NXN: variants seen among roughly 807,000 people sequenced by gnomAD.
NXN encodes the protein nucleoredoxin, also known as nucleoredoxin 1.
NXN carries 16 observed loss-of-function variants against 48.6 expected under a neutral mutation model. That is an observed-to-expected ratio of 0.33 (90% CI 0.22 to 0.50). NXN has a LOEUF of 0.50. NXN is among the 20% of genes least tolerant of loss of function. The probability of loss-of-function intolerance (pLI) is 0.98; values close to 1 mark genes in which losing one functional copy is unlikely to be tolerated. For missense variants in NXN, 492 were observed against 605.5 expected, an observed-to-expected ratio of 0.81 and a Z score of 1.97; for synonymous variants, 281 against 269.6, an observed-to-expected ratio of 1.04 and a Z score of -0.41.
At position 825,750 on chromosome 17, in the gene NXN, C is replaced by G. The variant is rs1364788880; in HGVS notation, c.478+211G>C. The stretch of plus-strand genomic sequence containing the variant: ...TCTTTTGGCCCATGAATTAAAGCCC[C>G]TAGGAGGGACATTCTGATCCCTGTG... On this transcript the variant is annotated intron_variant, in intron 2 of 7. Coordinates refer to ENST00000336868, the MANE Select transcript of NXN (RefSeq NM_022463.5). This position sits in a 1 kb window ranked among gnomAD's most constrained non-coding sequence, Gnocchi z 4.1. 4 of 529,042 alleles carry G rather than the reference C, an allele frequency of 7.6e-6. No homozygotes were observed. In the African/African-American group the frequency reaches 7.8e-5, roughly 10 times the overall value. 32.8% of individuals were successfully genotyped at this position (529,042 alleles called of 1,614,324 possible).
chr17:974,646 G>A (rs891265039), intron 1 of NXN, among the ~76,000 whole-genome samples: 7 of 151,576 alleles, frequency 4.6e-5, no homozygotes, highest in African/African-American at 1.7e-4. Flanking sequence ...GCTAATAAAC[G>A]GCAGAGCGGG....
chr17:840,207 C>G (rs955491564), intron 1 of NXN, among the ~76,000 whole-genome samples: 1 of 152,294 alleles, frequency 6.6e-6, no homozygotes, highest in Admixed American at 6.5e-5. Flanking sequence ...GCAGCAGGCT[C>G]CCATTCTGGT....
chr17:959,033 C>A, intron 1 of NXN: 1 of 261,916 alleles, frequency 3.8e-6, no homozygotes, highest in South Asian at 1.1e-4. Flanking sequence ...GCCGAGGGAC[C>A]ATGGTGGCCG....
chr17:849,978 C>T lies in NXN; in HGVS notation c.361-23900G>A, dbSNP rs180785464. Among the ~76,000 whole-genome samples, 292 of 152,198 alleles carry T rather than the reference C, an allele frequency of 1.9e-3. No homozygotes were observed. The highest frequency in any genetic ancestry group is 6.5e-3 in the African/African-American group (272 of 41,534). Reference sequence around the variant, plus strand: ...GTCCCTCCGCATCCCAGCTGGGTGCCGTTCCTGCATCTGGAGGCCCCTGTG... The same window carrying T: ...GTCCCTCCGCATCCCAGCTGGGTGCTGTTCCTGCATCTGGAGGCCCCTGTG... On this transcript the variant is annotated intron_variant, in intron 1 of 7. Coordinates refer to ENST00000336868, the MANE Select transcript of NXN (RefSeq NM_022463.5). This position sits in a 1 kb window ranked among gnomAD's most constrained non-coding sequence, Gnocchi z 4.2.
At chr17:829,542 T>C (rs1485296138) in intron 1 of NXN, among the ~76,000 whole-genome samples, 1 of 151,864 alleles carries the variant, frequency 6.6e-6, no homozygotes, top group Non-Finnish European at 1.5e-5. Context: ...CCATGGTAGT[T>C]TGCTGCACCC....
chr17:908,117 T>A (rs987520595), intron 1 of NXN: 1 of 152,112 alleles, frequency 6.6e-6, no homozygotes, highest in African/African-American at 2.4e-5. Flanking sequence ...TCATAATAAG[T>A]TTTCCTTTCT....
chr17:955,158 CTTTCTTTTTTTTTTTTTTTTT>C (rs2069151657), intron 1 of NXN, among the ~76,000 whole-genome samples: 2 of 142,566 alleles, frequency 1.4e-5, no homozygotes, highest in South Asian at 4.4e-4. Context: ...ATGCTCATCT[CTTTCTTTTTTTTTTTTTTTTT>C]TTTCCTGAGA....
chr17:901,686 CTGTT>C lies in NXN; in HGVS notation c.361-75612_361-75609del, dbSNP rs370539493. 1.5e-4 allele frequency among the ~76,000 whole-genome samples: 23 copies of C among 152,238 alleles called. No homozygotes were observed. The South Asian group carries it at 1.7e-3, about 11-fold the overall frequency. On this transcript the variant is annotated intron_variant, in intron 1 of 7. Transcript: ENST00000336868. ...GCCTGAAAGTCTCTCCTTCAGCTTG[CTGTT>C]TGTTTTTTTGTTTTGTTCTGTTTTT...
intron 1 of NXN, among the ~76,000 whole-genome samples, chr17:937,336 A>T (rs1428087763): frequency 6.6e-6 from 1 of 152,044 alleles, no homozygotes; most frequent in East Asian, 1.9e-4. Context: ...TCCAAGAGGG[A>T]AGCGGCCAGA....
intron 1 of NXN, among the ~76,000 whole-genome samples, chr17:895,551 G>T (rs113577401): frequency 6.6e-6 from 1 of 151,024 alleles, no homozygotes; most frequent in Non-Finnish European, 1.5e-5. Flanking sequence ...AGTGGCTCAC[G>T]CCTCTAATCC....
chr17:926,328 A>G (rs4968136), intron 1 of NXN, among the ~76,000 whole-genome samples: 59,472 of 151,892 alleles, frequency 0.39, 11,833 homozygotes, highest in Middle Eastern at 0.48. Flanking sequence ...CTAGGACTAC[A>G]GGCATGCACC....
At chr17:812,803 T>C (rs548464654) in intron 5 of NXN, among the ~76,000 whole-genome samples, 4 of 147,908 alleles carry the variant, frequency 2.7e-5, no homozygotes, top group East Asian at 2.0e-4. Context: ...TGTGTGTGCG[T>C]GAGTGTAGGT....
chr17:959,391 G>T lies in NXN; in HGVS notation c.360+19928C>A, dbSNP rs921484648. 13 of 214,586 alleles carry T rather than the reference G, an allele frequency of 6.1e-5. No homozygotes were observed. The Admixed American group carries it at 6.5e-4, about 11-fold the overall frequency. 13.3% of individuals were successfully genotyped at this position (214,586 alleles called of 1,614,324 possible). On this transcript the variant is annotated intron_variant, in intron 1 of 7. Transcript: ENST00000336868. Reference sequence around the variant, plus strand: ...GAGGCTGCCTGCCCCGGCCAGAGCGGGAGAACGGGCAGGGCGCCACTGGCC... The same window carrying T: ...GAGGCTGCCTGCCCCGGCCAGAGCGTGAGAACGGGCAGGGCGCCACTGGCC...
intron 1 of NXN, among the ~76,000 whole-genome samples, chr17:871,805 T>TGATGA (rs1159774519): frequency 6.6e-6 from 1 of 152,206 alleles, no homozygotes; most frequent in Non-Finnish European, 1.5e-5. Context: ...TCTGCTGTGT[T>TGATGA]ACTGATGAAC....
chr17:965,314 A>G (rs2069288909), intron 1 of NXN, among the ~76,000 whole-genome samples: 1 of 152,196 alleles, frequency 6.6e-6, no homozygotes, highest in Non-Finnish European at 1.5e-5. Context: ...GATGGCAGAG[A>G]GCTGGACTCG....
chr17:937,176 G>A (rs1024977303), intron 1 of NXN, among the ~76,000 whole-genome samples: 10 of 152,046 alleles, frequency 6.6e-5, no homozygotes, highest in Non-Finnish European at 8.8e-5. Flanking sequence ...TAGAGATGGG[G>A]TTTCATCATG....
intron 5 of NXN, among the ~76,000 whole-genome samples, chr17:806,319 C>G (rs1237205392): frequency 6.6e-6 from 1 of 150,566 alleles, no homozygotes; most frequent in Non-Finnish European, 1.5e-5. Context: ...CACCCCAGCT[C>G]CCCCCTTCCC....
intron 1 of NXN, among the ~76,000 whole-genome samples, chr17:826,806 G>A (rs577782808): frequency 2.2e-4 from 34 of 152,290 alleles, no homozygotes; most frequent in African/African-American, 7.7e-4. Context: ...TCGGTGCCGC[G>A]TAAAACACGC....
At chr17:841,534 G>A (rs866267281) in intron 1 of NXN, among the ~76,000 whole-genome samples, 10 of 112,468 alleles carry the variant, frequency 8.9e-5, no homozygotes, top group African/African-American at 2.9e-4. Context: ...CCCGACCATG[G>A]AGCATCTCAC....
Sources: allele counts gnomAD v4.1 joint callset (sites outside exome capture counted in the v4.1 genomes callset), GRCh38; gene constraint gnomAD v4.1.1; non-coding constraint Gnocchi (gnomAD v3.1); transcripts MANE v1.5; gene names NCBI Gene and HGNC (gene_info 2026-07-23, HGNC 2026-07-21).